The following ADORA2B variants were observed in gnomAD, a reference collection of about 807,000 sequenced individuals.
ADORA2B encodes adenosine receptor A2b.
Under a neutral mutation model 20.8 loss-of-function variants are expected in ADORA2B, and 18 were observed. The ratio of observed to expected loss-of-function variants is 0.87; its 90% CI spans 0.60 to 1.29. The LOEUF is 1.29. Ranked by LOEUF, ADORA2B falls within the 50% of genes most tolerant of loss-of-function variation. The probability of loss-of-function intolerance (pLI) is 0.00; values close to 1 mark genes in which losing one functional copy is unlikely to be tolerated. For synonymous variants in ADORA2B, 179 were observed against 178.3 expected (o/e 1.00, Z -0.03); for missense variants, 441 against 422.7 (o/e 1.04, Z -0.38).
chr17:15,899,809 T>C, the ADORA2B span, among the ~76,000 whole-genome samples: 1 of 151,994 alleles, frequency 6.6e-6, no homozygotes, highest in South Asian at 2.1e-4. Flanking sequence ...TATTCCATGG[T>C]GTTTATATGT....
chr17:15,917,146 A>C, the ADORA2B span, among the ~76,000 whole-genome samples: 103 of 152,358 alleles, frequency 6.8e-4, no homozygotes, highest in Non-Finnish European at 1.3e-3. Context: ...GCATCTCCAC[A>C]AAAAACTAAA....
intron 1 of ADORA2B, among the ~76,000 whole-genome samples, chr17:15,964,058 G>A (rs1030050075): frequency 3.9e-5 from 6 of 152,212 alleles, no homozygotes; most frequent in African/African-American, 1.4e-4. Context: ...GCTATCCAGT[G>A]GGCAGGCAGA....
rs1467844511 is a variant in ADORA2B, at chr17:15,974,919, GC to G, written c.581del (p.Pro194HisfsTer4). The G allele has an allele frequency of 1.9e-6, 3 of 1,613,982 alleles. No homozygotes were observed. The highest frequency in any genetic ancestry group is 2.5e-6 in the Non-Finnish European group (3 of 1,180,032). ...VYFNFFGCVL[P>X]PLLIMLVIYI... Reference sequence around the variant, plus strand: ...ATTTCAATTTCTTTGGGTGTGTTCTGCCCCCACTGCTTATAATGCTGGTGAT... The same window carrying G: ...ATTTCAATTTCTTTGGGTGTGTTCTGCCCCACTGCTTATAATGCTGGTGAT... On this transcript the variant is annotated frameshift_variant, in exon 2 of 2. Coordinates refer to ENST00000304222, the MANE Select transcript of ADORA2B (RefSeq NM_000676.4). LOFTEE classifies it high-confidence loss of function.
the ADORA2B span, among the ~76,000 whole-genome samples, chr17:15,882,667 CCATTTA>C: frequency 1.8e-3 from 269 of 152,228 alleles, 2 homozygotes; most frequent in African/African-American, 6.1e-3. Context: ...TCAAAACTGC[CCATTTA>C]CACTTTTTTC....
chr17:15,885,149 A>G, the ADORA2B span, among the ~76,000 whole-genome samples: 3 of 151,748 alleles, frequency 2.0e-5, no homozygotes, highest in Non-Finnish European at 2.9e-5. Flanking sequence ...TTTGGTTTTT[A>G]TTTGCATTTC....
the ADORA2B span, among the ~76,000 whole-genome samples, chr17:15,899,229 C>CAA: frequency 1.5e-5 from 2 of 129,386 alleles, no homozygotes; most frequent in African/African-American, 5.7e-5. Context: ...GACTCTGTCT[C>CAA]AAAAAAAAAA....
At chr17:15,925,888 T>G in the ADORA2B span, among the ~76,000 whole-genome samples, 5 of 151,946 alleles carry the variant, frequency 3.3e-5, no homozygotes, top group Admixed American at 3.3e-4. Context: ...GAGAATTGCA[T>G]AAACCCAGGA....
At chr17:15,883,829 C>T in the ADORA2B span, among the ~76,000 whole-genome samples, 1 of 152,194 alleles carries the variant, frequency 6.6e-6, no homozygotes, top group African/African-American at 2.4e-5. Context: ...TAGAAACACC[C>T]TAAATGCCTG....
chr17:15,852,409 T>A, the ADORA2B span, among the ~76,000 whole-genome samples: 4 of 152,212 alleles, frequency 2.6e-5, no homozygotes, highest in Non-Finnish European at 5.9e-5. Context: ...GACTCAGAAA[T>A]AAATACTCTT....
At chr17:15,939,333 G>A in the ADORA2B span, among the ~76,000 whole-genome samples, 7 of 152,214 alleles carry the variant, frequency 4.6e-5, no homozygotes, top group East Asian at 3.9e-4. Flanking sequence ...GAGCCACAGC[G>A]CCCGGCTGCT....
At chr17:15,962,442 C>T (rs927097879) in intron 1 of ADORA2B, among the ~76,000 whole-genome samples, 9 of 152,104 alleles carry the variant, frequency 5.9e-5, no homozygotes, top group Non-Finnish European at 1.0e-4. Context: ...CTTGCCCTTC[C>T]TTATTTTATT....
the ADORA2B span, among the ~76,000 whole-genome samples, chr17:15,907,885 A>G: frequency 2.7e-4 from 41 of 152,210 alleles, no homozygotes; most frequent in Admixed American, 9.2e-4. Flanking sequence ...TCCCTTGTGG[A>G]CAGCAGTTTT....
chr17:15,899,105 C>T, the ADORA2B span, among the ~76,000 whole-genome samples: 51 of 152,066 alleles, frequency 3.4e-4, no homozygotes, highest in African/African-American at 1.1e-3. Context: ...TGGCGCACAC[C>T]TGTAATCCCA....
the ADORA2B span, among the ~76,000 whole-genome samples, chr17:15,872,727 T>C: frequency 2.6e-5 from 4 of 152,224 alleles, no homozygotes; most frequent in Non-Finnish European, 4.4e-5. Context: ...TGTATAGCAG[T>C]GCTACTTCTT....
At chr17:15,956,591 T>G in intron 1 of ADORA2B, among the ~76,000 whole-genome samples, 1 of 3,522 alleles carries the variant, frequency 2.8e-4, no homozygotes, top group African/African-American at 3.7e-4. Flanking sequence ...TATGTGTGTC[T>G]TTTTTTTTTT....
At chr17:15,973,228 C>A (rs1236787240) in intron 1 of ADORA2B, among the ~76,000 whole-genome samples, 1 of 152,248 alleles carries the variant, frequency 6.6e-6, no homozygotes, top group Non-Finnish European at 1.5e-5. Flanking sequence ...CCAGTGCTTA[C>A]TGCCTCAGGC....
chr17:15,868,907 A>G, the ADORA2B span, among the ~76,000 whole-genome samples: 4 of 151,316 alleles, frequency 2.6e-5, no homozygotes, highest in African/African-American at 9.7e-5. Flanking sequence ...GGGCTTAAGT[A>G]GAGGGATGAG....
the ADORA2B span, among the ~76,000 whole-genome samples, chr17:15,932,490 CAAAAA>C: frequency 3.9e-5 from 3 of 76,358 alleles, no homozygotes; most frequent in Non-Finnish European, 3.0e-5. Context: ...AAGACTCTCT[CAAAAA>C]AAAAAAAAAA....
At chr17:15,860,293 G>T in the ADORA2B span, among the ~76,000 whole-genome samples, 2 of 152,134 alleles carry the variant, frequency 1.3e-5, no homozygotes, top group Admixed American at 6.5e-5. Flanking sequence ...TGTCTGAGGG[G>T]TTTTGTCTGC....
Sources: gnomAD v4.1 joint callset for allele counts (sites outside exome capture counted in the v4.1 genomes callset) on GRCh38, gnomAD v4.1.1 for gene constraint, MANE v1.5 for transcripts, NCBI Gene and HGNC (gene_info 2026-07-23, HGNC 2026-07-21) for gene names.